Variants in LSAMP observed in about 807,000 individuals in gnomAD.
LSAMP encodes the protein limbic system-associated membrane protein.
A neutral mutation model predicts 38.6 loss-of-function variants in LSAMP; 7 were observed. The observed-to-expected ratio is 0.18, with a 90% CI of 0.10 to 0.34. LSAMP has a LOEUF of 0.34. Ranked by LOEUF, LSAMP falls within the 10% of genes least tolerant of loss-of-function variation. LSAMP has a pLI of 1.00. For missense variants in LSAMP, 313 were observed against 420.0 expected (o/e 0.75, Z 2.23); for synonymous variants, 154 against 166.8 (o/e 0.92, Z 0.59).
intron 6 of LSAMP, among the ~76,000 whole-genome samples, chr3:115,833,177 T>A (rs1391517960): frequency 6.6e-6 from 1 of 152,144 alleles, no homozygotes; most frequent in Non-Finnish European, 1.5e-5. Context: ...GATAAAGTGA[T>A]GTCAATCTCT....
chr3:116,111,738 T>C (rs1238829090), intron 1 of LSAMP, among the ~76,000 whole-genome samples: 1 of 152,218 alleles, frequency 6.6e-6, no homozygotes, highest in Non-Finnish European at 1.5e-5. Flanking sequence ...TAATTTATCA[T>C]TTAATTTGGC....
chr3:116,144,194 A>C lies in LSAMP; in HGVS notation c.156-57638T>G, dbSNP rs140144344. Among the ~76,000 whole-genome samples the C allele has an allele frequency of 6.2e-4, 95 of 152,070 alleles. 1 individual carries two copies. In the East Asian group the frequency reaches 0.017, roughly 27 times the overall value. ...TATATATTTTCCAATTGCTTTGTGC[A>C]GGGCTTTATATATGCTTCCACTTAA... On this transcript the variant is annotated intron_variant, in intron 1 of 6. Transcript: ENST00000490035.
chr3:115,882,379 T>C (rs1027049264), intron 3 of LSAMP, among the ~76,000 whole-genome samples: 1 of 152,132 alleles, frequency 6.6e-6, no homozygotes, highest in African/African-American at 2.4e-5. Context: ...TCCAATAAGA[T>C]TGTCCCTTCA....
chr3:116,221,844 AGTGTGTGTGTGT>A (rs58596077), intron 1 of LSAMP, among the ~76,000 whole-genome samples: 13 of 145,370 alleles, frequency 8.9e-5, no homozygotes, highest in Non-Finnish European at 1.5e-4. Flanking sequence ...CCTAAAAAGA[AGTGTGTGTGTGT>A]GTGTGTGTGT....
At chr3:116,321,982 A>G (rs745385489) in intron 1 of LSAMP, among the ~76,000 whole-genome samples, 93 of 152,302 alleles carry the variant, frequency 6.1e-4, no homozygotes, top group Middle Eastern at 3.4e-3. Flanking sequence ...TAATTTGAGG[A>G]AGACACATGA....
intron 3 of LSAMP, among the ~76,000 whole-genome samples, chr3:115,930,284 C>T (rs958497524): frequency 4.6e-5 from 7 of 152,082 alleles, no homozygotes; most frequent in Admixed American, 3.9e-4. Context: ...TGTAGATCCA[C>T]GGCTAAAAGA....
At chr3:116,206,929 G>A (rs1381162761) in intron 1 of LSAMP, among the ~76,000 whole-genome samples, 2 of 150,358 alleles carry the variant, frequency 1.3e-5, no homozygotes, top group South Asian at 4.3e-4. Flanking sequence ...TCTGCTTGGT[G>A]CAGAGCTGAG....
intron 3 of LSAMP, among the ~76,000 whole-genome samples, chr3:115,907,471 C>T (rs1374757926): frequency 6.6e-6 from 1 of 152,094 alleles, no homozygotes; most frequent in Non-Finnish European, 1.5e-5. Flanking sequence ...TCCACTGGCA[C>T]TTTCATCTTG....
chr3:116,064,956 T>C (rs557497510), intron 2 of LSAMP, among the ~76,000 whole-genome samples: 16 of 152,354 alleles, frequency 1.1e-4, no homozygotes, highest in African/African-American at 2.6e-4. Flanking sequence ...TCTGAAGCTC[T>C]AAATGTGAAG....
intron 1 of LSAMP, among the ~76,000 whole-genome samples, chr3:116,127,972 T>G (rs1422158585): frequency 1.3e-5 from 2 of 152,122 alleles, no homozygotes; most frequent in Non-Finnish European, 2.9e-5. Flanking sequence ...TCTTCAAGTC[T>G]TAGTTTTGCC....
At chr3:116,284,520 C>A (rs1370006345) in intron 1 of LSAMP, among the ~76,000 whole-genome samples, 2 of 152,208 alleles carry the variant, frequency 1.3e-5, no homozygotes, top group Non-Finnish European at 2.9e-5. Flanking sequence ...TCCAAGGCTA[C>A]TATATCATAG....
intron 1 of LSAMP, among the ~76,000 whole-genome samples, chr3:116,086,885 A>T (rs1403572393): frequency 6.6e-6 from 1 of 152,184 alleles, no homozygotes; most frequent in Non-Finnish European, 1.5e-5. Context: ...CGTCTGTTTA[A>T]GTAATTTTGA....
intron 1 of LSAMP, among the ~76,000 whole-genome samples, chr3:116,322,145 A>G (rs894584935): frequency 2.0e-5 from 3 of 152,198 alleles, no homozygotes; most frequent in Non-Finnish European, 4.4e-5. Flanking sequence ...GGTCAGGAGA[A>G]TACTTCCCTT....
Position 116,017,005 on chromosome 3 carries a change from C to T in LSAMP, c.514+2510G>A, listed in dbSNP as rs192618570. ...GGGGTCCTCTGAGTTTATGTAAATA[C>T]AGCCTTTATTCTTGAAGACATGGCT... On this transcript the variant is annotated intron_variant, in intron 3 of 6. Coordinates refer to ENST00000490035, the MANE Select transcript of LSAMP (RefSeq NM_002338.5). Among the ~76,000 whole-genome samples the T allele has an allele frequency of 1.7e-3, 256 of 152,200 alleles. 1 individual carries two copies. Among genetic ancestry groups the T allele is most frequent in the Non-Finnish European group, 4.3e-4 (29 of 67,984 alleles).
intron 1 of LSAMP, among the ~76,000 whole-genome samples, chr3:116,377,033 A>T (rs960527479): frequency 3.3e-5 from 5 of 151,924 alleles, no homozygotes; most frequent in Non-Finnish European, 5.9e-5. Flanking sequence ...CAGTTCAAAT[A>T]CCATTTTATT....
intron 6 of LSAMP, among the ~76,000 whole-genome samples, chr3:115,837,429 TCTC>T (rs1378268136): frequency 1.3e-5 from 2 of 152,056 alleles, no homozygotes; most frequent in East Asian, 3.9e-4. Flanking sequence ...TCCTCCTTAT[TCTC>T]CTCCTAGACC....
intron 1 of LSAMP, among the ~76,000 whole-genome samples, chr3:116,149,050 G>A (rs1253305503): frequency 6.6e-6 from 1 of 151,932 alleles, no homozygotes; most frequent in Non-Finnish European, 1.5e-5. Flanking sequence ...TTAGCGCTTC[G>A]TTCAACCTTC....
intron 2 of LSAMP, among the ~76,000 whole-genome samples, chr3:116,055,165 T>A (rs537028879): frequency 6.6e-6 from 1 of 152,326 alleles, no homozygotes; most frequent in African/African-American, 2.4e-5. Context: ...GCTCTTGATA[T>A]GCTATGGAAA....
At chr3:116,203,803 T>C (rs147107240) in intron 1 of LSAMP, among the ~76,000 whole-genome samples, 11,949 of 152,150 alleles carry the variant, frequency 0.079, 666 homozygotes, top group African/African-American at 0.17. Context: ...TCTATTATTG[T>C]TGGACATTTG....
Sources: allele counts gnomAD v4.1 joint callset (sites outside exome capture counted in the v4.1 genomes callset), GRCh38; gene constraint gnomAD v4.1.1; transcripts MANE v1.5; gene names NCBI Gene and HGNC (gene_info 2026-07-23, HGNC 2026-07-21).